The following DPYSL2 variants were observed in gnomAD, a reference collection of about 807,000 sequenced individuals.
DPYSL2 encodes dihydropyrimidinase-related protein 2.
In DPYSL2, 13 loss-of-function variants were observed where a neutral mutation model predicts 69.9. That is an observed-to-expected ratio of 0.19 (90% CI 0.12 to 0.30). The LOEUF (loss-of-function observed/expected upper bound fraction) is 0.30, where lower values mean the gene tolerates loss of function less well. Ranked by LOEUF, DPYSL2 falls within the 10% of genes least tolerant of loss-of-function variation. The pLI is 1.00. For missense variants in DPYSL2, 587 were observed against 918.9 expected, an observed-to-expected ratio of 0.64 and a Z score of 4.67; for synonymous variants, 326 against 359.1, an observed-to-expected ratio of 0.91 and a Z score of 1.04.
Position 26,586,511 on chromosome 8 carries a change from G to A in DPYSL2, c.628+2528G>A, listed in dbSNP as rs1801607009. ...CCTCTTCCCTCCACACGCTCGCCCC[G>A]TGCTTAGGCCCCCACTCTTGTTCTT... On this transcript the variant is annotated intron_variant, in intron 3 of 13. Coordinates refer to ENST00000521913, the MANE Select transcript of DPYSL2 (RefSeq NM_001197293.3). The surrounding 1 kb of genome is among the most constrained non-coding windows in gnomAD (Gnocchi z 4.7). 6.6e-6 allele frequency among the ~76,000 whole-genome samples: 1 copy of A among 152,072 alleles called. No individual in the cohort carries two copies. The highest frequency in any genetic ancestry group is 2.4e-5 in the African/African-American group (1 of 41,404).
At chr8:26,536,672 A>AAAACAAAC (rs57765133) in intron 1 of DPYSL2, among the ~76,000 whole-genome samples, 57 of 151,544 alleles carry the variant, frequency 3.8e-4, no homozygotes, top group African/African-American at 8.5e-4. Flanking sequence ...CTCCATCTCA[A>AAAACAAAC]AAACAAACAA....
Position 26,605,634 on chromosome 8 carries a change from G to T in DPYSL2, c.629-18509G>T, listed in dbSNP as rs189342967. 2.8e-3 allele frequency among the ~76,000 whole-genome samples: 426 copies of T among 152,242 alleles called. 1 individual carries two copies. Among genetic ancestry groups the T allele is most frequent in the African/African-American group, 9.4e-3 (390 of 41,538 alleles). On this transcript the variant is annotated intron_variant, in intron 3 of 13. Transcript: ENST00000521913. The surrounding 1 kb of genome is among the most constrained non-coding windows in gnomAD (Gnocchi z 4.1). ...TATTTGATCTAAGAAGAAAGTTTATGAAGATGACTGACTTAAAAATAATGT... is the reference window on the plus strand; with the variant it reads ...TATTTGATCTAAGAAGAAAGTTTATTAAGATGACTGACTTAAAAATAATGT...
chr8:26,596,551 T>G (rs1252999032), intron 3 of DPYSL2, among the ~76,000 whole-genome samples: 2 of 152,174 alleles, frequency 1.3e-5, no homozygotes, highest in African/African-American at 2.4e-5. Flanking sequence ...TCACAAGAGA[T>G]GGTTAGAAGA....
intron 3 of DPYSL2, among the ~76,000 whole-genome samples, chr8:26,594,567 A>C (rs1801815947): frequency 6.6e-6 from 1 of 152,120 alleles, no homozygotes; most frequent in Non-Finnish European, 1.5e-5. Flanking sequence ...CCTATGGTCT[A>C]TCATCTCTAT....
At chr8:26,556,125 ATTATATATACTATAT>A (rs1391032283) in intron 1 of DPYSL2, among the ~76,000 whole-genome samples, 949 of 9,526 alleles carry the variant, frequency 0.1, 136 homozygotes, top group Non-Finnish European at 0.16. Flanking sequence ...TACTATATAT[ATTATATATACTATAT>A]ATAGTATATA....
chr8:26,569,371 C>CA lies in DPYSL2; in HGVS notation c.355-12593dup, dbSNP rs1563390244. Among the ~76,000 whole-genome samples, 17 of 88,384 alleles carry CA rather than the reference C, an allele frequency of 1.9e-4. 1 individual carries two copies. Among genetic ancestry groups the CA allele is most frequent in the South Asian group, 4.4e-4 (1 of 2,284 alleles). 58.0% of individuals were successfully genotyped at this position (88,384 alleles called of 152,430 possible). A position where few individuals can be genotyped will look rare whatever the true frequency, so the allele number is the denominator to read the frequency against. On this transcript the variant is annotated intron_variant, in intron 1 of 13. Transcript: ENST00000521913. ...CCTATCTCCAAAAAAAAAACAAAAA[C>CA]AAAAACAAAAAAAAACCAAAGAAAA...
At chr8:26,529,299 CTATCATCT>C (rs1158581321) in intron 1 of DPYSL2, among the ~76,000 whole-genome samples, 3 of 149,560 alleles carry the variant, frequency 2.0e-5, no homozygotes, top group Admixed American at 6.7e-5. Context: ...ATCTATCTAT[CTATCATCT>C]ATCTATCTAT....
chr8:26,520,338 G>T (rs1283469894), intron 1 of DPYSL2, among the ~76,000 whole-genome samples: 1 of 152,008 alleles, frequency 6.6e-6, no homozygotes, highest in East Asian at 1.9e-4. Flanking sequence ...CCAGAGGCAG[G>T]GCCTGAACCC....
In DPYSL2 at chr8:26,626,332, A is replaced by T. The variant is rs1802610632; in HGVS notation, c.794-285A>T. On this transcript the variant is annotated intron_variant, in intron 4 of 13. Coordinates refer to ENST00000521913, the MANE Select transcript of DPYSL2 (RefSeq NM_001197293.3). This position sits in a 1 kb window ranked among gnomAD's most constrained non-coding sequence, Gnocchi z 4.3. Reference sequence around the variant, plus strand: ...CAAACACTGGCAACTTTTAATTTTGATATACTTGTAAACTTACAGGAAGAT... The same window carrying T: ...CAAACACTGGCAACTTTTAATTTTGTTATACTTGTAAACTTACAGGAAGAT... 6.6e-6 allele frequency among the ~76,000 whole-genome samples: 1 copy of T among 152,176 alleles called. No homozygotes were observed. The highest frequency in any genetic ancestry group is 1.5e-5 in the Non-Finnish European group (1 of 68,030).
chr8:26,557,318 C>T (rs1227478972), intron 1 of DPYSL2, among the ~76,000 whole-genome samples: 2 of 151,902 alleles, frequency 1.3e-5, no homozygotes, highest in Non-Finnish European at 2.9e-5. Context: ...GAACTGTTAT[C>T]CAAAATGTAC....
intron 1 of DPYSL2, among the ~76,000 whole-genome samples, chr8:26,528,598 G>T (rs1171772196): frequency 2.0e-4 from 30 of 150,384 alleles, no homozygotes; most frequent in Non-Finnish European, 4.4e-5. Context: ...AGTGAGCCAA[G>T]ATCGCGCCAC....
intron 1 of DPYSL2, among the ~76,000 whole-genome samples, chr8:26,561,521 G>A (rs917116766): frequency 2.0e-5 from 3 of 150,984 alleles, no homozygotes; most frequent in Non-Finnish European, 4.4e-5. Context: ...CCCCCTAACC[G>A]AGTGGAAATC....
Position 26,519,061 on chromosome 8 carries a change from C to G in DPYSL2, c.354+4382C>G, listed in dbSNP as rs57504233. Among the ~76,000 whole-genome samples, 69 of 152,296 alleles carry G rather than the reference C, an allele frequency of 4.5e-4. 2 individuals carry two copies. In the East Asian group the frequency reaches 0.012, roughly 27 times the overall value. On this transcript the variant is annotated intron_variant, in intron 1 of 13. Transcript: ENST00000521913. ...GTCATTGGACCGCCAGTGACAACTT[C>G]TGGCCATGACCTTTGCATATTGCAT...
At chr8:26,554,484 A>T (rs1272499216) in intron 1 of DPYSL2, among the ~76,000 whole-genome samples, 1 of 151,652 alleles carries the variant, frequency 6.6e-6, no homozygotes, top group Non-Finnish European at 1.5e-5. Flanking sequence ...TACTCTGTTG[A>T]TAGTTTCTTT....
intron 7 of DPYSL2, among the ~76,000 whole-genome samples, chr8:26,634,273 TTTTTC>T (rs1299927034): frequency 6.6e-6 from 1 of 152,114 alleles, no homozygotes; most frequent in Non-Finnish European, 1.5e-5. Flanking sequence ...TTTTCTTTTC[TTTTTC>T]TTTTGAGACT....
At chr8:26,625,606 C>A (rs908120451) in intron 4 of DPYSL2, among the ~76,000 whole-genome samples, 1 of 152,130 alleles carries the variant, frequency 6.6e-6, no homozygotes, top group Non-Finnish European at 1.5e-5. Flanking sequence ...AACTCCAAGA[C>A]GCCAGGATGA....
chr8:26,561,401 A>T lies in DPYSL2; in HGVS notation c.355-20568A>T, dbSNP rs576549984. Among the ~76,000 whole-genome samples, 26 of 152,192 alleles carry T rather than the reference A, an allele frequency of 1.7e-4. No individual in the cohort carries two copies. In the Middle Eastern group the frequency reaches 0.01, roughly 60 times the overall value. ...TGACTTAATTACCATCCATGAGTGG[A>T]TGTTCCTAAATTCACATCTTAAGCC... On this transcript the variant is annotated intron_variant, in intron 1 of 13. Transcript: ENST00000521913.
At chr8:26,522,314 A>G (rs1351987175) in intron 1 of DPYSL2, among the ~76,000 whole-genome samples, 3 of 84,676 alleles carry the variant, frequency 3.5e-5, no homozygotes, top group Non-Finnish European at 7.9e-5. Context: ...TCTCAAAACA[A>G]ACAAACAAAC....
rs557071598 is a variant in DPYSL2, at chr8:26,605,855, T to C, written c.629-18288T>C. ...GTTAGTGAACAGAAAAACCCAATACTGTAAAGAAGTGTATACTTTAGATTA... is the reference window on the plus strand; with the variant it reads ...GTTAGTGAACAGAAAAACCCAATACCGTAAAGAAGTGTATACTTTAGATTA... On this transcript the variant is annotated intron_variant, in intron 3 of 13. Transcript: ENST00000521913. This position sits in a 1 kb window ranked among gnomAD's most constrained non-coding sequence, Gnocchi z 4.1. 1.3e-5 allele frequency among the ~76,000 whole-genome samples: 2 copies of C among 152,272 alleles called. No homozygotes were observed. Among genetic ancestry groups the C allele is most frequent in the African/African-American group, 4.8e-5 (2 of 41,554 alleles).
Sources: gnomAD v4.1 joint callset for allele counts (sites outside exome capture counted in the v4.1 genomes callset) on GRCh38, gnomAD v4.1.1 for gene constraint, Gnocchi (gnomAD v3.1) non-coding constraint, MANE v1.5 for transcripts, NCBI Gene and HGNC (gene_info 2026-07-23, HGNC 2026-07-21) for gene names.